Variants in GPALPP1 observed in about 807,000 individuals in gnomAD.
The protein encoded by GPALPP1 is GPALPP motifs containing 1.
A neutral mutation model predicts 38.9 loss-of-function variants in GPALPP1; 30 were observed. The ratio of observed to expected loss-of-function variants is 0.77; its 90% CI spans 0.58 to 1.05. The LOEUF (loss-of-function observed/expected upper bound fraction) is 1.05, where lower values mean the gene tolerates loss of function less well. Among genes scored for constraint, GPALPP1 ranks in the 50% least tolerant of loss-of-function variants. GPALPP1 has a pLI of 0.00. For synonymous variants in GPALPP1, 120 were observed against 139.2 expected, an observed-to-expected ratio of 0.86 and a Z score of 0.97; for missense variants, 384 against 408.8, an observed-to-expected ratio of 0.94 and a Z score of 0.52.
At position 45,029,325 on chromosome 13, in the gene GPALPP1, ATTACT is replaced by A. The variant is rs953425822; in HGVS notation, c.*1326_*1330del. 1.4e-4 allele frequency: 22 copies of A among 152,104 alleles called. No individual in the cohort carries two copies. Among genetic ancestry groups the A allele is most frequent in the African/African-American group, 5.1e-4 (21 of 41,420 alleles). 9.4% of individuals were successfully genotyped at this position (152,104 alleles called of 1,614,324 possible). A position where few individuals can be genotyped will look rare whatever the true frequency, so the allele number is the denominator to read the frequency against. ...TGTTTTTGGCTTCTTAAGATTAGAGATTACTTTAATCTTAAAAAACATACAAATTT... is the reference window on the plus strand; with the variant it reads ...TGTTTTTGGCTTCTTAAGATTAGAGATTAATCTTAAAAAACATACAAATTT... On this transcript the variant is annotated 3_prime_UTR_variant, in exon 8 of 8. Coordinates refer to ENST00000379151, the MANE Select transcript of GPALPP1 (RefSeq NM_018559.5).
At chr13:45,018,586 T>G (rs1348501758) in intron 6 of GPALPP1, among the ~76,000 whole-genome samples, 2 of 152,110 alleles carry the variant, frequency 1.3e-5, no homozygotes, top group East Asian at 3.8e-4. Flanking sequence ...AAAACATCTA[T>G]TTTCTGGGAA....
In GPALPP1 at chr13:45,029,173, T is replaced by C. The variant is rs947102872; in HGVS notation, c.*1170T>C. 3 of 152,204 alleles carry C rather than the reference T, an allele frequency of 2.0e-5. No individual in the cohort carries two copies. Among genetic ancestry groups the C allele is most frequent in the Non-Finnish European group, 4.4e-5 (3 of 68,032 alleles). The allele number at this position is 152,204 out of a possible 1,614,324, so 9.4% of individuals were successfully genotyped here. On this transcript the variant is annotated 3_prime_UTR_variant, in exon 8 of 8. Coordinates refer to ENST00000379151, the MANE Select transcript of GPALPP1 (RefSeq NM_018559.5). The stretch of plus-strand genomic sequence containing the variant: ...CTATATCAATATTCAAATGTGATTT[T>C]TGAGGAAAATATGTTAAATTTAGAA...
intron 1 of GPALPP1, among the ~76,000 whole-genome samples, chr13:44,994,704 T>C (rs148792572): frequency 1.2e-4 from 18 of 152,342 alleles, no homozygotes; most frequent in African/African-American, 3.6e-4. Context: ...TCACACAGTT[T>C]TCCAAAATAC....
intron 1 of GPALPP1, chr13:44,990,063 G>T: frequency 2.0e-6 from 1 of 511,046 alleles, no homozygotes; most frequent in South Asian, 3.2e-5. Context: ...ATTTTCCCAT[G>T]TTGCAAATGG....
chr13:44,996,784 C>CTTT (rs770919969), intron 1 of GPALPP1, among the ~76,000 whole-genome samples: 2,015 of 79,888 alleles, frequency 0.025, 45 homozygotes, highest in African/African-American at 0.069. Flanking sequence ...TGCCCAGCCT[C>CTTT]TTTTTTTTTT....
chr13:45,013,176 T>C (rs774498197), intron 4 of GPALPP1, among the ~76,000 whole-genome samples: 1 of 152,186 alleles, frequency 6.6e-6, no homozygotes, highest in South Asian at 2.1e-4. Context: ...CCTCGTGATA[T>C]CATCAAAGGC....
chr13:45,018,978 T>TATATATAC lies in GPALPP1; in HGVS notation c.706-1346_706-1339dup, dbSNP rs541545988. Among the ~76,000 whole-genome samples the TATATATAC allele has an allele frequency of 4.6e-3, 83 of 18,136 alleles. 4 individuals are homozygous for TATATATAC. The highest frequency in any genetic ancestry group is 0.062 in the Middle Eastern group (2 of 32). The allele number at this position is 18,136 out of a possible 152,430, so 11.9% of individuals were successfully genotyped here. On this transcript the variant is annotated intron_variant, in intron 6 of 7. Coordinates refer to ENST00000379151, the MANE Select transcript of GPALPP1 (RefSeq NM_018559.5). ...ACATATAAATATATATACATATAAA[T>TATATATAC]ATATATACATATAAATATATATACA...
chr13:45,014,324 T>C (rs1874681105), intron 4 of GPALPP1, among the ~76,000 whole-genome samples: 1 of 152,244 alleles, frequency 6.6e-6, no homozygotes, highest in Admixed American at 6.5e-5. Context: ...GAAAGCTTAC[T>C]ATTGTAGATA....
intron 7 of GPALPP1, among the ~76,000 whole-genome samples, chr13:45,024,538 A>T (rs900368296): frequency 6.6e-6 from 1 of 150,604 alleles, no homozygotes; most frequent in Non-Finnish European, 1.5e-5. Context: ...ACCTCAGGTC[A>T]TCTGCCCACC....
At position 45,015,426 on chromosome 13, in the gene GPALPP1, T is replaced by A; in HGVS notation, c.541-6T>A. ...TTCTATGCTGTGTTTTTTTTTTCTC[T>A]TAAAGGATTCATCTAAACCCATTGT... On this transcript the variant is annotated splice_region_variant and splice_polypyrimidine_tract_variant and intron_variant, in intron 5 of 7. Transcript: ENST00000379151. 1 of 1,545,830 alleles carries A rather than the reference T, an allele frequency of 6.5e-7. No homozygotes were observed. Among genetic ancestry groups the A allele is most frequent in the Non-Finnish European group, 8.7e-7 (1 of 1,146,598 alleles).
intron 6 of GPALPP1, among the ~76,000 whole-genome samples, 153 bp from the exon 7 acceptor site, chr13:45,020,177 G>C (rs552556968): frequency 2.0e-4 from 31 of 151,994 alleles, no homozygotes; most frequent in African/African-American, 7.2e-4. Context: ...CACTATGCCC[G>C]GCAAAGTATG....
intron 6 of GPALPP1, among the ~76,000 whole-genome samples, chr13:45,016,673 C>T (rs1356771351): frequency 2.0e-5 from 3 of 152,146 alleles, no homozygotes; most frequent in African/African-American, 7.2e-5. Context: ...GACAAGGTCT[C>T]TCTGTCACCC....
downstream of GPALPP1, among the ~76,000 whole-genome samples, chr13:45,032,826 A>C (rs1196199406): frequency 6.6e-6 from 1 of 151,226 alleles, no homozygotes; most frequent in Non-Finnish European, 1.5e-5. Flanking sequence ...GCCTGAGCTC[A>C]GGAGTTTGAG....
rs1463242109 is a variant in GPALPP1 at position 45,022,424 on chromosome 13, TTAAA to T, written c.804+1999_804+2002del. Among the ~76,000 whole-genome samples the T allele has an allele frequency of 7.2e-5, 11 of 152,006 alleles. No homozygotes were observed. The East Asian group carries it at 1.7e-3, about 24-fold the overall frequency. Reference sequence around the variant, plus strand: ...GCATTTTATCATATGTATATTTATCTTAAATATATATATAAAAAAACAAATATTG... The same window carrying T: ...GCATTTTATCATATGTATATTTATCTTATATATATAAAAAAACAAATATTG... On this transcript the variant is annotated intron_variant, in intron 7 of 7. Coordinates refer to ENST00000379151, the MANE Select transcript of GPALPP1 (RefSeq NM_018559.5).
At chr13:45,015,777 T>C (rs1207033661) in intron 6 of GPALPP1, among the ~76,000 whole-genome samples, 181 bp downstream of exon 6, 1 of 152,214 alleles carries the variant, frequency 6.6e-6, no homozygotes, top group African/African-American at 2.4e-5. Context: ...GCTTGCTGTT[T>C]ACTTACTATT....
intron 1 of GPALPP1, among the ~76,000 whole-genome samples, chr13:44,998,216 T>G (rs969767780): frequency 6.6e-6 from 1 of 152,218 alleles, no homozygotes; most frequent in Non-Finnish European, 1.5e-5. Context: ...TACTGCTTCC[T>G]TCTAAAGCTA....
chr13:45,015,859 T>C (rs562529962), intron 6 of GPALPP1, among the ~76,000 whole-genome samples: 1 of 152,258 alleles, frequency 6.6e-6, no homozygotes, highest in East Asian at 1.9e-4. Flanking sequence ...ATTTTATAGA[T>C]GGAGAAACTA....
chr13:45,023,397 T>C (rs186523526), intron 7 of GPALPP1, among the ~76,000 whole-genome samples: 50 of 152,384 alleles, frequency 3.3e-4, no homozygotes, highest in African/African-American at 1.2e-3. Context: ...TGTATAATAA[T>C]AGTCCAGTGA....
At chr13:45,010,812 C>T (rs1874417346) in intron 4 of GPALPP1, among the ~76,000 whole-genome samples, 1 of 152,076 alleles carries the variant, frequency 6.6e-6, no homozygotes, top group Admixed American at 6.5e-5. Context: ...AGCAAAACCG[C>T]ATCTCTACCA....
Sources: gnomAD v4.1 joint callset for allele counts (sites outside exome capture counted in the v4.1 genomes callset) on GRCh38, gnomAD v4.1.1 for gene constraint, MANE v1.5 for transcripts, NCBI Gene and HGNC (gene_info 2026-07-23, HGNC 2026-07-21) for gene names.